FSHR: variants seen among roughly 807,000 people sequenced by gnomAD.
The protein encoded by FSHR is follicle-stimulating hormone receptor.
In FSHR, 46 loss-of-function variants were observed where a neutral mutation model predicts 52.1. The ratio of observed to expected loss-of-function variants is 0.88; its 90% CI spans 0.70 to 1.13. FSHR has a LOEUF of 1.13. Ranked by LOEUF, FSHR falls within the 50% of genes most tolerant of loss-of-function variation. The pLI, the probability that FSHR is intolerant of heterozygous loss-of-function variation, is 0.00. For synonymous variants in FSHR, 399 were observed against 309.6 expected (o/e 1.29, Z -3.03); for missense variants, 964 against 834.6 (o/e 1.16, Z -1.91).
chr2:48,978,844 T>A (rs1416111791), intron 8 of FSHR, among the ~76,000 whole-genome samples: 1 of 152,192 alleles, frequency 6.6e-6, no homozygotes, highest in Non-Finnish European at 1.5e-5. Context: ...TATTCTTCCC[T>A]CAACTACAAA....
intron 2 of FSHR, among the ~76,000 whole-genome samples, chr2:49,060,058 TGAAAA>T (rs1364119451): frequency 1.3e-5 from 2 of 152,114 alleles, no homozygotes; most frequent in Admixed American, 6.6e-5. Context: ...CAGATATTTC[TGAAAA>T]GAAGACATAT....
intron 1 of FSHR, among the ~76,000 whole-genome samples, chr2:49,130,819 G>A (rs186843514): frequency 1.1e-3 from 169 of 152,208 alleles, no homozygotes; most frequent in African/African-American, 3.8e-3. Context: ...GACATTCCTC[G>A]AGGCTGGCCA....
At chr2:49,141,324 G>A (rs1417018874) in intron 1 of FSHR, among the ~76,000 whole-genome samples, 3 of 152,082 alleles carry the variant, frequency 2.0e-5, no homozygotes, top group Non-Finnish European at 2.9e-5. Flanking sequence ...TTGGGTCATG[G>A]TTCTGCAGGC....
chr2:48,990,756 A>G, intron 4 of FSHR, 119 bp from the exon 5 acceptor site: 1 of 747,166 alleles, frequency 1.3e-6, no homozygotes, highest in Non-Finnish European at 2.4e-6. Context: ...ATCTACGAGA[A>G]AAGCCCGTAT....
chr2:49,090,416 C>T (rs866321591), intron 1 of FSHR, among the ~76,000 whole-genome samples: 3 of 152,218 alleles, frequency 2.0e-5, no homozygotes, highest in Middle Eastern at 3.4e-3. Context: ...ACTTGAGATT[C>T]ATCTGTTTAG....
At chr2:48,974,106 C>T (rs576908071) in intron 8 of FSHR, among the ~76,000 whole-genome samples, 27 of 152,124 alleles carry the variant, frequency 1.8e-4, no homozygotes, top group Non-Finnish European at 2.8e-4. Context: ...AAAGGCAGAC[C>T]GAGAAATCCA....
chr2:48,987,868 A>ACC (rs1675589907), intron 6 of FSHR, among the ~76,000 whole-genome samples: 2 of 150,112 alleles, frequency 1.3e-5, no homozygotes, highest in South Asian at 2.1e-4. Flanking sequence ...ACACACACAC[A>ACC]CACCCCTTCA....
intron 6 of FSHR, among the ~76,000 whole-genome samples, chr2:48,984,230 C>T (rs1675384755): frequency 6.6e-6 from 1 of 152,114 alleles, no homozygotes; most frequent in South Asian, 2.1e-4. Context: ...CTAAAAAAAT[C>T]CAGAAAGGGG....
At chr2:49,065,265 A>T (rs1257009360) in intron 2 of FSHR, among the ~76,000 whole-genome samples, 1 of 152,130 alleles carries the variant, frequency 6.6e-6, no homozygotes, top group East Asian at 1.9e-4. Context: ...GAATTTAAAC[A>T]GTGCAAGTCT....
intron 6 of FSHR, among the ~76,000 whole-genome samples, chr2:48,985,343 G>C (rs1039300126): frequency 2.0e-5 from 3 of 152,154 alleles, no homozygotes; most frequent in African/African-American, 7.2e-5. Flanking sequence ...CAAGGGAGAC[G>C]GGCAGACTGA....
At chr2:49,028,261 C>T (rs138851733) in intron 2 of FSHR, among the ~76,000 whole-genome samples, 23 of 152,284 alleles carry the variant, frequency 1.5e-4, no homozygotes, top group Admixed American at 3.9e-4. Context: ...TAGATGTTTG[C>T]GGTGTAGCAG....
At chr2:49,092,454 C>T (rs906856160) in intron 1 of FSHR, among the ~76,000 whole-genome samples, 1 of 152,108 alleles carries the variant, frequency 6.6e-6, no homozygotes, top group African/African-American at 2.4e-5. Context: ...TTATGTTTCA[C>T]AATTAAGTAT....
intron 1 of FSHR, among the ~76,000 whole-genome samples, chr2:49,078,908 C>T (rs529168543): frequency 1.5e-4 from 23 of 152,016 alleles, no homozygotes; most frequent in East Asian, 3.9e-4. Flanking sequence ...ATAATTACTA[C>T]GCAATAAGAA....
chr2:49,153,543 C>T (rs900397720), intron 1 of FSHR, among the ~76,000 whole-genome samples: 6 of 152,118 alleles, frequency 3.9e-5, no homozygotes, highest in Non-Finnish European at 8.8e-5. Flanking sequence ...CTTCAGACAC[C>T]AGATTCCTAA....
intron 4 of FSHR, among the ~76,000 whole-genome samples, chr2:49,013,098 C>CCT (rs1291378742): frequency 6.6e-6 from 1 of 151,162 alleles, no homozygotes; most frequent in East Asian, 1.9e-4. Flanking sequence ...CCTCTCTCTC[C>CCT]CTCTCTCTCT....
At chr2:49,119,212 C>G (rs1405985659) in intron 1 of FSHR, among the ~76,000 whole-genome samples, 1 of 152,278 alleles carries the variant, frequency 6.6e-6, no homozygotes, top group East Asian at 1.9e-4. Context: ...GCAATATCCC[C>G]AAAGGCAAGA....
intron 1 of FSHR, among the ~76,000 whole-genome samples, chr2:49,153,569 G>A (rs1673136838): frequency 6.6e-6 from 1 of 152,200 alleles, no homozygotes; most frequent in Non-Finnish European, 1.5e-5. Flanking sequence ...AAAAGAAAGA[G>A]AGAGTAGGAT....
chr2:49,089,824 T>G (rs1049109830), intron 1 of FSHR, among the ~76,000 whole-genome samples: 1 of 152,150 alleles, frequency 6.6e-6, no homozygotes, highest in Non-Finnish European at 1.5e-5. Context: ...AAAATGATAG[T>G]GGAGAGCTGA....
At chr2:49,090,404 T>A (rs116212647) in intron 1 of FSHR, among the ~76,000 whole-genome samples, 5,896 of 152,296 alleles carry the variant, frequency 0.039, 172 homozygotes, top group Middle Eastern at 0.058. Context: ...TTCTTTCAGT[T>A]CACTTGAGAT....
Sources: allele counts gnomAD v4.1 joint callset (sites outside exome capture counted in the v4.1 genomes callset), GRCh38; gene constraint gnomAD v4.1.1; transcripts MANE v1.5; gene names NCBI Gene and HGNC (gene_info 2026-07-23, HGNC 2026-07-21).